Variants in TENM4 observed in about 807,000 individuals in gnomAD.
TENM4 encodes the protein teneurin-4.
Under a neutral mutation model 243.3 loss-of-function variants are expected in TENM4, and 82 were observed. The ratio of observed to expected loss-of-function variants is 0.34; its 90% CI spans 0.28 to 0.40. The LOEUF (loss-of-function observed/expected upper bound fraction) is 0.40. TENM4 is among the 10% of genes least tolerant of loss of function. TENM4 has a pLI of 1.00. For synonymous variants in TENM4, 1,412 were observed against 1,456.3 expected, an observed-to-expected ratio of 0.97 and a Z score of 0.69; for missense variants, 3,138 against 3,673.3, an observed-to-expected ratio of 0.85 and a Z score of 3.77.
intron 2 of TENM4, among the ~76,000 whole-genome samples, chr11:79,270,288 C>A (rs918846427): frequency 1.6e-4 from 24 of 152,290 alleles, no homozygotes; most frequent in African/African-American, 5.8e-4. Flanking sequence ...CATGTGCCAT[C>A]CAAAATGATC....
chr11:79,226,571 T>C (rs913852258), intron 2 of TENM4, among the ~76,000 whole-genome samples: 1 of 152,204 alleles, frequency 6.6e-6, no homozygotes, highest in African/African-American at 2.4e-5. Context: ...AAGGTACATT[T>C]GAGCCTCTGG....
chr11:78,743,474 G>A (rs543745122), intron 19 of TENM4, among the ~76,000 whole-genome samples: 85 of 152,308 alleles, frequency 5.6e-4, no homozygotes, highest in African/African-American at 2.0e-3. Flanking sequence ...TTTATGCAAT[G>A]AATAAAGAGC....
At chr11:78,813,177 C>G (rs1399066966) in intron 13 of TENM4, among the ~76,000 whole-genome samples, 1 of 152,194 alleles carries the variant, frequency 6.6e-6, no homozygotes, top group African/African-American at 2.4e-5. Flanking sequence ...CAAACTGAGT[C>G]TGTCTCACAT....
At chr11:79,354,177 G>A (rs1417404571) in intron 1 of TENM4, among the ~76,000 whole-genome samples, 5 of 152,176 alleles carry the variant, frequency 3.3e-5, no homozygotes, top group Admixed American at 2.6e-4. Flanking sequence ...ACTCTGCCTG[G>A]CACATAGTAA....
intron 6 of TENM4, among the ~76,000 whole-genome samples, chr11:78,987,054 TATAATA>T (rs1229255419): frequency 6.6e-6 from 1 of 152,242 alleles, no homozygotes; most frequent in African/African-American, 2.4e-5. Context: ...ACATTTTAGG[TATAATA>T]ATAAGAACAG....
chr11:79,417,371 G>C (rs1009058357), intron 1 of TENM4, among the ~76,000 whole-genome samples: 1 of 152,172 alleles, frequency 6.6e-6, no homozygotes, highest in South Asian at 2.1e-4. Flanking sequence ...ATGGCTCAAA[G>C]GGGACTGGTC....
At chr11:79,002,420 C>T (rs2136708296) in intron 6 of TENM4, among the ~76,000 whole-genome samples, 1 of 152,308 alleles carries the variant, frequency 6.6e-6, no homozygotes, top group African/African-American at 2.4e-5. Context: ...GTGTTGTGGC[C>T]AGTGAACTGG....
At chr11:79,314,627 C>T (rs1464756102) in intron 1 of TENM4, among the ~76,000 whole-genome samples, 5 of 152,170 alleles carry the variant, frequency 3.3e-5, no homozygotes, top group African/African-American at 4.8e-5. Flanking sequence ...GAAAGTTTGG[C>T]TAGTCATATT....
intron 2 of TENM4, among the ~76,000 whole-genome samples, chr11:79,297,007 C>T (rs1449778875): frequency 3.9e-5 from 6 of 152,086 alleles, no homozygotes; most frequent in African/African-American, 1.5e-4. Context: ...AGAAAGAAAG[C>T]AGAAAGAGTG....
intron 6 of TENM4, among the ~76,000 whole-genome samples, chr11:78,939,788 G>A (rs77111262): frequency 0.01 from 1,562 of 152,200 alleles, 22 homozygotes; most frequent in African/African-American, 0.036. Flanking sequence ...TAAAAACAAC[G>A]TATTTTTGTT....
At chr11:79,258,021 A>G (rs550247434) in intron 2 of TENM4, among the ~76,000 whole-genome samples, 9 of 152,114 alleles carry the variant, frequency 5.9e-5, no homozygotes, top group Non-Finnish European at 1.3e-4. Flanking sequence ...TGAGGGGTTC[A>G]CTCAATCCAT....
chr11:78,667,272 T>C (rs1294706429), intron 32 of TENM4, among the ~76,000 whole-genome samples: 1 of 152,198 alleles, frequency 6.6e-6, no homozygotes, highest in Admixed American at 6.5e-5. Flanking sequence ...TTTCCTATGC[T>C]TGGGATGCCT....
chr11:79,252,210 G>C (rs1855622950), intron 2 of TENM4, among the ~76,000 whole-genome samples: 1 of 152,170 alleles, frequency 6.6e-6, no homozygotes, highest in Non-Finnish European at 1.5e-5. Flanking sequence ...AGTCATCCCT[G>C]GGGAAAAGGA....
chr11:79,412,218 C>G (rs538732566), intron 1 of TENM4, among the ~76,000 whole-genome samples: 1 of 152,176 alleles, frequency 6.6e-6, no homozygotes, highest in Non-Finnish European at 1.5e-5. Flanking sequence ...AAGAAGCATC[C>G]GCATCACTGA....
At chr11:79,351,186 A>G (rs530577186) in intron 1 of TENM4, among the ~76,000 whole-genome samples, 1 of 152,134 alleles carries the variant, frequency 6.6e-6, no homozygotes, top group South Asian at 2.1e-4. Flanking sequence ...CCCTCTTTTA[A>G]TTTGCAATAG....
At chr11:79,068,026 A>G (rs1382174098) in intron 5 of TENM4, 1 of 152,238 alleles carries the variant, frequency 6.6e-6, no homozygotes, top group Non-Finnish European at 1.5e-5. Context: ...TGTTATTTAC[A>G]AAGACAAGGA....
At chr11:79,356,733 A>G (rs1857503237) in intron 1 of TENM4, among the ~76,000 whole-genome samples, 2 of 151,538 alleles carry the variant, frequency 1.3e-5, no homozygotes, top group African/African-American at 4.8e-5. Flanking sequence ...TTAGTCCTAA[A>G]TGATGGAAGT....
chr11:78,837,119 C>T (rs1484144982), intron 12 of TENM4, among the ~76,000 whole-genome samples: 1 of 152,126 alleles, frequency 6.6e-6, no homozygotes, highest in Non-Finnish European at 1.5e-5. Context: ...TGGCTGTGTC[C>T]CCATCCAAAT....
At chr11:78,992,700 T>G (rs897914836) in intron 6 of TENM4, among the ~76,000 whole-genome samples, 2 of 152,214 alleles carry the variant, frequency 1.3e-5, no homozygotes, top group African/African-American at 4.8e-5. Context: ...AAATAGGTTG[T>G]GAGTAGGAAG....
Sources: gnomAD v4.1 joint callset for allele counts (sites outside exome capture counted in the v4.1 genomes callset) on GRCh38, gnomAD v4.1.1 for gene constraint, MANE v1.5 for transcripts, NCBI Gene and HGNC (gene_info 2026-07-23, HGNC 2026-07-21) for gene names.